Variants in FRMD5 observed in about 807,000 individuals in gnomAD.
FRMD5 encodes the protein FERM domain-containing protein 5.
FRMD5 carries 20 observed loss-of-function variants against 69.0 expected under a neutral mutation model. The ratio of observed to expected loss-of-function variants is 0.29; its 90% CI spans 0.20 to 0.42. The LOEUF is 0.42. Ranked by LOEUF, FRMD5 falls within the 10% of genes least tolerant of loss-of-function variation. The pLI, the probability that FRMD5 is intolerant of heterozygous loss-of-function variation, is 1.00. For missense variants in FRMD5, 595 were observed against 708.6 expected (o/e 0.84, Z 1.82); for synonymous variants, 271 against 260.1 (o/e 1.04, Z -0.40).
chr15:43,879,550 C>T, intron 13 of FRMD5: 1 of 399,036 alleles, frequency 2.5e-6, no homozygotes, highest in South Asian at 1.3e-4. Context: ...GCAGTCAGGA[C>T]CCTACCCTGG....
chr15:44,189,745 G>C (rs1170679324), intron 1 of FRMD5, among the ~76,000 whole-genome samples: 1 of 152,058 alleles, frequency 6.6e-6, no homozygotes, highest in Non-Finnish European at 1.5e-5. Context: ...TCCCACCTCA[G>C]CCTACCAAAT....
At chr15:43,943,708 T>C (rs2089899280) in intron 1 of FRMD5, among the ~76,000 whole-genome samples, 1 of 152,218 alleles carries the variant, frequency 6.6e-6, no homozygotes, top group Admixed American at 6.5e-5. Flanking sequence ...TGGCAAGGAT[T>C]GCCAGCAACC....
At chr15:44,094,514 T>G (rs1052250362) in intron 1 of FRMD5, among the ~76,000 whole-genome samples, 1 of 152,176 alleles carries the variant, frequency 6.6e-6, no homozygotes, top group Non-Finnish European at 1.5e-5. Context: ...CACTAAACAG[T>G]GTGTTGGAAT....
chr15:44,054,706 G>A (rs1295291516), intron 1 of FRMD5, among the ~76,000 whole-genome samples: 2 of 152,092 alleles, frequency 1.3e-5, no homozygotes, highest in Non-Finnish European at 2.9e-5. Flanking sequence ...AAAACTGTGA[G>A]TGATATGTCA....
At chr15:44,043,506 G>T (rs1239236713) in intron 1 of FRMD5, among the ~76,000 whole-genome samples, 2 of 152,054 alleles carry the variant, frequency 1.3e-5, no homozygotes, top group African/African-American at 4.8e-5. Flanking sequence ...GAGGCATCAC[G>T]CTACCTGACT....
At chr15:43,885,777 T>G in intron 10 of FRMD5, 22 bp from the exon 11 acceptor site, 1 of 1,604,264 alleles carries the variant, frequency 6.2e-7, no homozygotes, top group Non-Finnish European at 8.5e-7. Context: ...CAAAGTCCAG[T>G]GTGATAGACA....
chr15:44,152,891 T>A (rs984862248), intron 1 of FRMD5, among the ~76,000 whole-genome samples: 7 of 145,950 alleles, frequency 4.8e-5, no homozygotes, highest in African/African-American at 1.2e-4. Flanking sequence ...AAAAAAAAAG[T>A]AAACGGGCAA....
intron 1 of FRMD5, among the ~76,000 whole-genome samples, chr15:44,164,565 A>G (rs571188484): frequency 6.6e-6 from 1 of 152,364 alleles, no homozygotes; most frequent in Admixed American, 6.5e-5. Context: ...TTTGTTCATA[A>G]TTTGATGAAA....
At chr15:43,927,311 C>T (rs969960408) in intron 1 of FRMD5, among the ~76,000 whole-genome samples, 1 of 152,218 alleles carries the variant, frequency 6.6e-6, no homozygotes, top group Admixed American at 6.5e-5. Context: ...TTCTGCTAGC[C>T]TCATACTCCC....
intron 1 of FRMD5, among the ~76,000 whole-genome samples, chr15:44,112,787 G>A (rs1339993245): frequency 1.3e-5 from 2 of 150,494 alleles, no homozygotes; most frequent in Non-Finnish European, 3.0e-5. Flanking sequence ...AGTAGAGATG[G>A]GGTTTCACCA....
chr15:43,904,560 T>C (rs931600107), intron 6 of FRMD5, among the ~76,000 whole-genome samples: 1 of 152,122 alleles, frequency 6.6e-6, no homozygotes, highest in Admixed American at 6.5e-5. Context: ...TCATTTTTAG[T>C]AGAGACAGGG....
intron 1 of FRMD5, among the ~76,000 whole-genome samples, chr15:44,156,439 C>T (rs549648317): frequency 6.6e-6 from 1 of 152,308 alleles, no homozygotes; most frequent in African/African-American, 2.4e-5. Context: ...CCACCTTGCC[C>T]AGCCCGTATA....
rs143357460 is a variant in FRMD5, at chr15:43,935,459, C to T, written c.103-11150G>A. On this transcript the variant is annotated intron_variant, in intron 1 of 13. Transcript: ENST00000417257. ...AGATCGTGCCATTGCAACTCCAGCCCGGGCGGCAAGAGTGAAACTCTGTCT... is the reference window on the plus strand; with the variant it reads ...AGATCGTGCCATTGCAACTCCAGCCTGGGCGGCAAGAGTGAAACTCTGTCT... 9.3e-3 allele frequency among the ~76,000 whole-genome samples: 1,409 copies of T among 152,156 alleles called. 20 individuals are homozygous for T. The highest frequency in any genetic ancestry group is 0.032 in the African/African-American group (1,340 of 41,506).
chr15:44,036,618 G>A (rs991365045), intron 1 of FRMD5, among the ~76,000 whole-genome samples: 1 of 152,202 alleles, frequency 6.6e-6, no homozygotes, highest in African/African-American at 2.4e-5. Context: ...AAATAAAATC[G>A]TATGTGTCAA....
chr15:44,090,133 G>T (rs1434245974), intron 1 of FRMD5, among the ~76,000 whole-genome samples: 1 of 152,090 alleles, frequency 6.6e-6, no homozygotes, highest in African/African-American at 2.4e-5. Flanking sequence ...TTGAGGCCAA[G>T]AATCTGAAAA....
intron 1 of FRMD5, among the ~76,000 whole-genome samples, chr15:44,047,977 T>C (rs892352791): frequency 6.6e-6 from 1 of 152,238 alleles, no homozygotes; most frequent in Non-Finnish European, 1.5e-5. Context: ...TTGGGTTGTT[T>C]CCACTCTTAA....
chr15:44,057,862 G>A (rs542705327), intron 1 of FRMD5, among the ~76,000 whole-genome samples: 2 of 152,122 alleles, frequency 1.3e-5, no homozygotes, highest in Non-Finnish European at 2.9e-5. Flanking sequence ...CAGTTCCAGC[G>A]CTTTATGATC....
chr15:43,989,439 A>C (rs1889561076), intron 1 of FRMD5: 1 of 793,250 alleles, frequency 1.3e-6, no homozygotes, highest in South Asian at 1.3e-5. Flanking sequence ...TTTGCCGATG[A>C]TGATGACCTG....
At chr15:44,019,141 AC>A in intron 1 of FRMD5, among the ~76,000 whole-genome samples, 1 of 152,234 alleles carries the variant, frequency 6.6e-6, no homozygotes, top group East Asian at 1.9e-4. Flanking sequence ...TGATCCACCC[AC>A]TTCGGCCTCC....
Sources: allele counts gnomAD v4.1 joint callset (sites outside exome capture counted in the v4.1 genomes callset), GRCh38; gene constraint gnomAD v4.1.1; transcripts MANE v1.5; gene names NCBI Gene and HGNC (gene_info 2026-07-23, HGNC 2026-07-21).